FRK: variants seen among roughly 807,000 people sequenced by gnomAD.
The protein encoded by FRK is tyrosine-protein kinase FRK.
A neutral mutation model predicts 56.4 loss-of-function variants in FRK; 51 were observed. The ratio of observed to expected loss-of-function variants is 0.90; its 90% CI spans 0.72 to 1.14. FRK has a LOEUF of 1.14. Among genes scored for constraint, FRK ranks in the 50% most tolerant of loss-of-function variants. The pLI is 0.00. For synonymous variants in FRK, 245 were observed against 217.9 expected (o/e 1.12, Z -1.10); for missense variants, 570 against 601.4 (o/e 0.95, Z 0.55).
the FRK span, among the ~76,000 whole-genome samples, chr6:116,073,489 T>C: frequency 1.3e-5 from 2 of 152,142 alleles, no homozygotes; most frequent in South Asian, 2.1e-4. Flanking sequence ...AAGAAATGTA[T>C]TGAACTTAAC....
intron 1 of FRK, among the ~76,000 whole-genome samples, chr6:116,019,689 G>A (rs977414280): frequency 6.6e-6 from 1 of 152,166 alleles, no homozygotes; most frequent in African/African-American, 2.4e-5. Context: ...GAAATAATAA[G>A]CAGAGCCAGT....
chr6:116,075,295 A>C, the FRK span, among the ~76,000 whole-genome samples: 2 of 152,080 alleles, frequency 1.3e-5, no homozygotes, highest in Non-Finnish European at 1.5e-5. Context: ...CCTCATCTGC[A>C]AAAATAGGGA....
At chr6:115,957,702 G>T (rs1392809374) in intron 4 of FRK, among the ~76,000 whole-genome samples, 3 of 152,144 alleles carry the variant, frequency 2.0e-5, no homozygotes, top group Non-Finnish European at 4.4e-5. Context: ...TAAAACATTT[G>T]AGCAGTCTCC....
At chr6:116,050,021 AT>A (rs2114812396) in intron 1 of FRK, among the ~76,000 whole-genome samples, 1 of 152,258 alleles carries the variant, frequency 6.6e-6, no homozygotes, top group South Asian at 2.1e-4. Context: ...TGTTTTTTAC[AT>A]GCACACTACA....
At chr6:116,072,092 T>A in the FRK span, among the ~76,000 whole-genome samples, 3 of 152,144 alleles carry the variant, frequency 2.0e-5, no homozygotes, top group African/African-American at 4.8e-5. Flanking sequence ...GAGCATTAGA[T>A]AGCATTAGAC....
At chr6:116,029,631 G>A (rs977350337) in intron 1 of FRK, among the ~76,000 whole-genome samples, 13 of 152,046 alleles carry the variant, frequency 8.6e-5, no homozygotes, top group Non-Finnish European at 1.5e-4. Context: ...GCCAGGCACC[G>A]TGCAAATTAT....
At chr6:116,068,092 C>G in the FRK span, among the ~76,000 whole-genome samples, 1 of 152,048 alleles carries the variant, frequency 6.6e-6, no homozygotes, top group African/African-American at 2.4e-5. Context: ...TCTTGTAGGA[C>G]CAAACACTAG....
intron 2 of FRK, among the ~76,000 whole-genome samples, chr6:115,994,321 A>ACCCCCCCC (rs1422664378): frequency 4.2e-5 from 2 of 47,774 alleles, no homozygotes; most frequent in Non-Finnish European, 9.9e-5. Flanking sequence ...GAATCTCACA[A>ACCCCCCCC]CCTCCCCCCC....
At position 115,942,931 on chromosome 6, in the gene FRK, C is replaced by T. The variant is rs919917624; in HGVS notation, c.1306+89G>A. 5.5e-6 allele frequency: 7 copies of T among 1,279,138 alleles called. No individual in the cohort carries two copies. The East Asian group carries it at 1.4e-4, about 26-fold the overall frequency. The allele number at this position is 1,279,138 out of a possible 1,614,324, so 79.2% of individuals were successfully genotyped here. A position where few individuals can be genotyped will look rare whatever the true frequency, so the allele number is the denominator to read the frequency against. On this transcript the variant is annotated intron_variant, in intron 7 of 7. Coordinates refer to ENST00000606080, the MANE Select transcript of FRK (RefSeq NM_002031.3). ...GTATGGTATGGTCAGCCTCATAACTCTGCCCTCTAAGTCTGGGCAAAGCAG... is the reference window on the plus strand; with the variant it reads ...GTATGGTATGGTCAGCCTCATAACTTTGCCCTCTAAGTCTGGGCAAAGCAG...
chr6:116,048,578 G>A (rs1015585643), intron 1 of FRK, among the ~76,000 whole-genome samples: 2 of 151,984 alleles, frequency 1.3e-5, no homozygotes, highest in African/African-American at 4.8e-5. Flanking sequence ...TAGAGATGGA[G>A]TCTCGCCATG....
chr6:116,071,415 C>T, the FRK span, among the ~76,000 whole-genome samples: 2 of 152,148 alleles, frequency 1.3e-5, no homozygotes, highest in Non-Finnish European at 2.9e-5. Context: ...ATCCACTCAA[C>T]AAACCTAGCC....
intron 2 of FRK, among the ~76,000 whole-genome samples, chr6:115,976,012 C>G (rs973030485): frequency 6.6e-6 from 1 of 152,044 alleles, no homozygotes; most frequent in Non-Finnish European, 1.5e-5. Flanking sequence ...ACCCTCACAT[C>G]CAGAGTAACT....
intron 1 of FRK, among the ~76,000 whole-genome samples, chr6:116,057,354 C>T (rs1243098410): frequency 1.3e-5 from 2 of 152,262 alleles, no homozygotes; most frequent in Admixed American, 6.5e-5. Flanking sequence ...TTATATAATT[C>T]TTCAAGTGTT....
At chr6:116,076,361 C>T in the FRK span, among the ~76,000 whole-genome samples, 1 of 152,040 alleles carries the variant, frequency 6.6e-6, no homozygotes, top group Non-Finnish European at 1.5e-5. Flanking sequence ...TGAAAGTATC[C>T]TTTTCTATTG....
At chr6:116,088,705 C>T in the FRK span, among the ~76,000 whole-genome samples, 4 of 152,184 alleles carry the variant, frequency 2.6e-5, no homozygotes, top group African/African-American at 9.7e-5. Context: ...GTGCTCAGAG[C>T]AAGCAAAGCC....
chr6:115,960,238 G>A (rs972739232), intron 4 of FRK, among the ~76,000 whole-genome samples: 2 of 151,096 alleles, frequency 1.3e-5, no homozygotes, highest in African/African-American at 2.4e-5. Context: ...CCTGGGAAGC[G>A]CAAGGGGTCA....
At chr6:116,076,284 A>G in the FRK span, among the ~76,000 whole-genome samples, 1 of 152,226 alleles carries the variant, frequency 6.6e-6, no homozygotes, top group African/African-American at 2.4e-5. Flanking sequence ...TGTATATCAA[A>G]TTTATTTATG....
the FRK span, among the ~76,000 whole-genome samples, chr6:116,094,423 C>G: frequency 1.3e-5 from 2 of 152,250 alleles, no homozygotes; most frequent in Non-Finnish European, 2.9e-5. Flanking sequence ...GGTCCATTAC[C>G]ATCCAAGGAA....
intron 5 of FRK, among the ~76,000 whole-genome samples, chr6:115,952,602 G>A (rs1191465808): frequency 2.3e-4 from 35 of 151,604 alleles, no homozygotes; most frequent in Admixed American, 2.3e-3. Context: ...AAATCATGCT[G>A]CTATAAAGAC....
Sources: gnomAD v4.1 joint callset for allele counts (sites outside exome capture counted in the v4.1 genomes callset) on GRCh38, gnomAD v4.1.1 for gene constraint, MANE v1.5 for transcripts, NCBI Gene and HGNC (gene_info 2026-07-23, HGNC 2026-07-21) for gene names.